Variants in PTK2 observed in about 807,000 individuals in gnomAD.
PTK2 encodes focal adhesion kinase 1.
In PTK2, 45 loss-of-function variants were observed where a neutral mutation model predicts 150.1. That is an observed-to-expected ratio of 0.30 (90% CI 0.24 to 0.38). PTK2 has a LOEUF of 0.38. Among genes scored for constraint, PTK2 ranks in the 10% least tolerant of loss-of-function variants. PTK2 has a pLI of 1.00. For missense variants in PTK2, 919 were observed against 1,307.3 expected (o/e 0.70, Z 4.58); for synonymous variants, 432 against 449.2 (o/e 0.96, Z 0.48).
At chr8:140,711,097 C>T (rs1395084376) in intron 23 of PTK2, among the ~76,000 whole-genome samples, 1 of 151,774 alleles carries the variant, frequency 6.6e-6, no homozygotes, top group East Asian at 1.9e-4. Flanking sequence ...GCAATCACAC[C>T]CAGCTAATTT....
chr8:140,797,907 T>C (rs374464857), intron 12 of PTK2, among the ~76,000 whole-genome samples: 4 of 152,170 alleles, frequency 2.6e-5, no homozygotes, highest in East Asian at 1.9e-4. Context: ...GATTCTCCTG[T>C]GTAGCTGGAA....
intron 1 of PTK2, among the ~76,000 whole-genome samples, chr8:140,937,629 C>T (rs1603424140): frequency 6.8e-6 from 1 of 146,876 alleles, no homozygotes; most frequent in African/African-American, 2.5e-5. Flanking sequence ...TTTAATCTAA[C>T]AAAAATTGGA....
intron 22 of PTK2, among the ~76,000 whole-genome samples, chr8:140,722,907 C>CA (rs1422324291): frequency 6.6e-6 from 1 of 152,156 alleles, no homozygotes; most frequent in African/African-American, 2.4e-5. Flanking sequence ...TTCTTCAAGG[C>CA]AACGGGAACT....
At chr8:140,831,451 C>A (rs558016476) in intron 7 of PTK2, among the ~76,000 whole-genome samples, 1 of 152,304 alleles carries the variant, frequency 6.6e-6, no homozygotes, top group South Asian at 2.1e-4. Context: ...GGGATGACTT[C>A]TTCATCCGTA....
chr8:140,709,277 C>G (rs112850076), intron 23 of PTK2, among the ~76,000 whole-genome samples: 28 of 152,242 alleles, frequency 1.8e-4, no homozygotes, highest in African/African-American at 6.7e-4. Context: ...AAATATCTCA[C>G]AGTGATGCAA....
intron 22 of PTK2, among the ~76,000 whole-genome samples, chr8:140,725,388 T>C (rs1389911358): frequency 2.6e-5 from 4 of 151,184 alleles, no homozygotes; most frequent in Non-Finnish European, 5.9e-5. Flanking sequence ...CTGTATACTC[T>C]GGATATAAGA....
chr8:140,675,661 G>A (rs2100013196), intron 27 of PTK2, 162 bp from the exon 31 acceptor site: 1 of 591,866 alleles, frequency 1.7e-6, no homozygotes, highest in Non-Finnish European at 3.0e-6. Context: ...TTGGGGTGGG[G>A]GATCAGGCAA....
At chr8:140,922,799 G>A (rs889113847) in intron 2 of PTK2, among the ~76,000 whole-genome samples, 1 of 152,162 alleles carries the variant, frequency 6.6e-6, no homozygotes, top group Non-Finnish European at 1.5e-5. Flanking sequence ...AAGAGGTACA[G>A]GAGTTACCAA....
intron 2 of PTK2, among the ~76,000 whole-genome samples, chr8:140,905,553 T>TA (rs1160784526): frequency 1.3e-5 from 2 of 152,148 alleles, no homozygotes; most frequent in Admixed American, 1.3e-4. Flanking sequence ...CAAAGAGACT[T>TA]AGACTTCCAC....
intron 10 of PTK2, among the ~76,000 whole-genome samples, chr8:140,816,009 C>A (rs1301497912): frequency 6.6e-6 from 1 of 152,062 alleles, no homozygotes; most frequent in African/African-American, 2.4e-5. Context: ...GATCTTTGAG[C>A]TTCTTGTGAC....
At chr8:140,744,394 C>T (rs1023731559) in intron 19 of PTK2, among the ~76,000 whole-genome samples, 2 of 152,110 alleles carry the variant, frequency 1.3e-5, no homozygotes, top group African/African-American at 2.4e-5. Context: ...TTAAACTCCA[C>T]GTGTGTAAAA....
intron 10 of PTK2, among the ~76,000 whole-genome samples, chr8:140,809,842 T>TA (rs2154600993): frequency 6.6e-6 from 1 of 152,284 alleles, no homozygotes; most frequent in South Asian, 2.1e-4. Context: ...ATTAAAAAGA[T>TA]AAACACCTGC....
chr8:140,663,064 G>C (rs891873060), intron 31 of PTK2: 9 of 286,860 alleles, frequency 3.1e-5, no homozygotes, highest in Admixed American at 2.0e-4. Context: ...GCCCTGCAGA[G>C]TGGGACAGTG....
At chr8:140,836,147 T>C (rs896770820) in intron 7 of PTK2, among the ~76,000 whole-genome samples, 2 of 152,174 alleles carry the variant, frequency 1.3e-5, no homozygotes, top group African/African-American at 4.8e-5. Flanking sequence ...TAGAAGTGTT[T>C]TGGGTCTCTA....
At chr8:140,720,671 G>C (rs191791347) in intron 22 of PTK2, among the ~76,000 whole-genome samples, 1 of 152,186 alleles carries the variant, frequency 6.6e-6, no homozygotes, top group Non-Finnish European at 1.5e-5. Flanking sequence ...AAAATAGAAG[G>C]AACTATTAGA....
At chr8:140,925,680 A>C in exon 2 of PTK2, 1 of 985,188 alleles carries the variant, frequency 1.0e-6, no homozygotes, top group Non-Finnish European at 1.2e-6. Flanking sequence ...GTTATTCTTG[A>C]GGAGCTCTGG....
At chr8:140,946,048 C>A (rs879616069) in intron 1 of PTK2, among the ~76,000 whole-genome samples, 6 of 152,078 alleles carry the variant, frequency 3.9e-5, no homozygotes, top group Non-Finnish European at 5.9e-5. Context: ...TAGAGAGCAA[C>A]CTCTCTAGAC....
At chr8:140,871,866 A>T (rs1003605377) in intron 4 of PTK2, among the ~76,000 whole-genome samples, 3 of 152,138 alleles carry the variant, frequency 2.0e-5, no homozygotes, top group African/African-American at 7.2e-5. Context: ...TTAACAAGGC[A>T]AGACCTTGTC....
intron 31 of PTK2, among the ~76,000 whole-genome samples, chr8:140,661,034 T>C (rs1238943816): frequency 2.0e-5 from 3 of 152,162 alleles, no homozygotes; most frequent in Non-Finnish European, 2.9e-5. Flanking sequence ...GAAAAGTACA[T>C]AGATAAGACA....
Sources: allele counts gnomAD v4.1 joint callset (sites outside exome capture counted in the v4.1 genomes callset), GRCh38; gene constraint gnomAD v4.1.1; transcripts MANE v1.5; gene names NCBI Gene and HGNC (gene_info 2026-07-23, HGNC 2026-07-21).